The following DOCK1 variants were observed in gnomAD, a reference collection of about 807,000 sequenced individuals.
DOCK1 encodes the protein dedicator of cytokinesis 1.
Under a neutral mutation model 262.7 loss-of-function variants are expected in DOCK1, and 138 were observed. That is an observed-to-expected ratio of 0.53 (90% CI 0.46 to 0.61). The LOEUF is 0.61. Ranked by LOEUF, DOCK1 falls within the 20% of genes least tolerant of loss-of-function variation. The pLI, the probability that DOCK1 is intolerant of heterozygous loss-of-function variation, is 0.00. For synonymous variants in DOCK1, 866 were observed against 867.4 expected, an observed-to-expected ratio of 1.00 and a Z score of 0.03; for missense variants, 1,908 against 2,370.7, an observed-to-expected ratio of 0.80 and a Z score of 4.05.
intron 27 of DOCK1, among the ~76,000 whole-genome samples, chr10:127,170,008 T>G (rs1408902536): frequency 6.6e-6 from 1 of 151,972 alleles, no homozygotes; most frequent in Non-Finnish European, 1.5e-5. Context: ...TAGCTTCTTT[T>G]TTTACCACTG....
At chr10:126,982,631 A>C (rs2039069189) in intron 4 of DOCK1, among the ~76,000 whole-genome samples, 1 of 152,248 alleles carries the variant, frequency 6.6e-6, no homozygotes, top group African/African-American at 2.4e-5. Context: ...TGATTACTGC[A>C]TAATGACATC....
At chr10:126,961,392 A>G (rs1189787429) in intron 1 of DOCK1, among the ~76,000 whole-genome samples, 1 of 152,194 alleles carries the variant, frequency 6.6e-6, no homozygotes, top group African/African-American at 2.4e-5. Context: ...GTTGGAGACC[A>G]GCCTGGCCAA....
At chr10:127,034,053 G>C (rs1025183851) in intron 18 of DOCK1, among the ~76,000 whole-genome samples, 3 of 152,166 alleles carry the variant, frequency 2.0e-5, no homozygotes, top group African/African-American at 7.2e-5. Context: ...CCTGGGTGTG[G>C]GATCTATGCA....
intron 27 of DOCK1, among the ~76,000 whole-genome samples, chr10:127,161,846 T>G (rs1395672618): frequency 6.6e-6 from 1 of 152,204 alleles, no homozygotes; most frequent in Non-Finnish European, 1.5e-5. Context: ...GAATGATGAA[T>G]GAAGGAACAA....
intron 1 of DOCK1, among the ~76,000 whole-genome samples, chr10:126,962,421 A>T (rs995361260): frequency 2.6e-4 from 40 of 152,280 alleles, no homozygotes; most frequent in Non-Finnish European, 4.9e-4. Context: ...GGCCTCCCAA[A>T]GTGCTGGGAT....
intron 5 of DOCK1, among the ~76,000 whole-genome samples, chr10:126,989,201 T>A (rs1363319152): frequency 6.6e-6 from 1 of 152,132 alleles, no homozygotes; most frequent in Non-Finnish European, 1.5e-5. Context: ...TAGAAACTCC[T>A]AGAAAGAAGG....
At chr10:127,018,228 C>G (rs1237530439) in intron 12 of DOCK1, among the ~76,000 whole-genome samples, 1 of 152,176 alleles carries the variant, frequency 6.6e-6, no homozygotes, top group South Asian at 2.1e-4. Context: ...CTCCACTGCT[C>G]GCCCAGGTTG....
intron 29 of DOCK1, among the ~76,000 whole-genome samples, chr10:127,260,150 A>G (rs2059970724): frequency 6.6e-6 from 1 of 152,170 alleles, no homozygotes; most frequent in African/African-American, 2.4e-5. Flanking sequence ...TTCACAGGGT[A>G]TGGCGCCTGA....
intron 23 of DOCK1, among the ~76,000 whole-genome samples, chr10:127,062,771 T>C (rs12218825): frequency 0.039 from 6,004 of 152,352 alleles, 342 homozygotes; most frequent in East Asian, 0.13. Context: ...GAATCATGTT[T>C]TACACCTAAT....
At chr10:127,285,004 G>A (rs2061096907) in intron 29 of DOCK1, among the ~76,000 whole-genome samples, 1 of 152,084 alleles carries the variant, frequency 6.6e-6, no homozygotes, top group Non-Finnish European at 1.5e-5. Context: ...GGGTGAGGTG[G>A]TGTGCCCCCT....
chr10:127,057,634 TTGTC>T (rs1375745722), intron 22 of DOCK1, among the ~76,000 whole-genome samples: 1 of 152,228 alleles, frequency 6.6e-6, no homozygotes, highest in Non-Finnish European at 1.5e-5. Flanking sequence ...TGGTTTTTGT[TTGTC>T]TGTGTTTTCT....
At chr10:127,325,183 T>C (rs2135600621) in intron 29 of DOCK1, among the ~76,000 whole-genome samples, 1 of 152,296 alleles carries the variant, frequency 6.6e-6, no homozygotes, top group South Asian at 2.1e-4. Context: ...TATTATTCTG[T>C]GGTTTCTGCT....
intron 38 of DOCK1, among the ~76,000 whole-genome samples, chr10:127,401,787 G>C (rs116351296): frequency 0.018 from 2,742 of 152,296 alleles, 76 homozygotes; most frequent in African/African-American, 0.063. Context: ...TGTCAGGACA[G>C]CCCTCTCCTG....
At chr10:127,209,696 C>G (rs2057886115) in intron 27 of DOCK1, among the ~76,000 whole-genome samples, 1 of 152,148 alleles carries the variant, frequency 6.6e-6, no homozygotes. Context: ...GAAAATGATT[C>G]ACATCAGTAG....
rs2042580705 is a variant in DOCK1, at chr10:127,023,342, G to C, written c.1452+18G>C. The C allele has an allele frequency of 1.9e-6, 3 of 1,613,288 alleles. No individual in the cohort carries two copies. The highest frequency in any genetic ancestry group is 1.3e-5 in the African/African-American group (1 of 74,850). On this transcript the variant is annotated intron_variant, in intron 14 of 51. Transcript: ENST00000623213. ...GATTAGAGGTATTTATTGTGGCGAG[G>C]GCTCATCTGTAGTGTTTCAGTTTTA...
chr10:127,403,574 A>G (rs1033050964), intron 39 of DOCK1, among the ~76,000 whole-genome samples: 5 of 152,204 alleles, frequency 3.3e-5, no homozygotes, highest in African/African-American at 1.2e-4. Context: ...CCTGGCTAAC[A>G]CGGTGAAACC....
intron 31 of DOCK1, among the ~76,000 whole-genome samples, chr10:127,353,061 G>T (rs1415441469): frequency 6.6e-6 from 1 of 152,118 alleles, no homozygotes; most frequent in Non-Finnish European, 1.5e-5. Flanking sequence ...TTTGTGTTCA[G>T]GGGGGCCACC....
At chr10:127,183,331 T>C (rs1403193810) in intron 27 of DOCK1, among the ~76,000 whole-genome samples, 2 of 152,200 alleles carry the variant, frequency 1.3e-5, no homozygotes, top group Non-Finnish European at 2.9e-5. Context: ...GGCAAGGCCA[T>C]GGGAATGCCC....
At chr10:127,297,980 C>T (rs1230688031) in intron 29 of DOCK1, among the ~76,000 whole-genome samples, 1 of 152,094 alleles carries the variant, frequency 6.6e-6, no homozygotes, top group Non-Finnish European at 1.5e-5. Flanking sequence ...GGGAAACAAA[C>T]AGTACCTAAT....
Sources: gnomAD v4.1 joint callset for allele counts (sites outside exome capture counted in the v4.1 genomes callset) on GRCh38, gnomAD v4.1.1 for gene constraint, MANE v1.5 for transcripts, NCBI Gene and HGNC (gene_info 2026-07-23, HGNC 2026-07-21) for gene names.